SNX29: variants seen among roughly 807,000 people sequenced by gnomAD.
The protein encoded by SNX29 is sorting nexin-29.
In SNX29, 78 loss-of-function variants were observed where a neutral mutation model predicts 102.1. The ratio of observed to expected loss-of-function variants is 0.76; its 90% CI spans 0.64 to 0.92. The LOEUF is 0.92. Ranked by LOEUF, SNX29 falls within the 40% of genes least tolerant of loss-of-function variation. The pLI, the probability that SNX29 is intolerant of heterozygous loss-of-function variation, is 0.00. For synonymous variants in SNX29, 580 were observed against 414.5 expected (o/e 1.40, Z -4.85); for missense variants, 1,280 against 1,061.7 (o/e 1.21, Z -2.86).
At chr16:12,173,339 T>C (rs2076191153) in intron 13 of SNX29, among the ~76,000 whole-genome samples, 1 of 152,248 alleles carries the variant, frequency 6.6e-6, no homozygotes, top group African/African-American at 2.4e-5. Context: ...TCTGTTTTAG[T>C]TGGGTGTGAC....
intron 20 of SNX29, among the ~76,000 whole-genome samples, chr16:12,552,293 G>A (rs534372442): frequency 6.6e-6 from 1 of 152,272 alleles, no homozygotes; most frequent in South Asian, 2.1e-4. Flanking sequence ...CTGTGCCTCA[G>A]TTTCCTCTTC....
At chr16:12,524,976 T>A (rs2076739207) in intron 20 of SNX29, 135 bp downstream of exon 20, 33 of 1,279,050 alleles carry the variant, frequency 2.6e-5, no homozygotes, top group Non-Finnish European at 3.3e-5. Context: ...CTCCAGGGGC[T>A]GTTCCAGGTG....
At chr16:12,412,861 ACT>A (rs1433731449) in intron 18 of SNX29, among the ~76,000 whole-genome samples, 12 of 152,182 alleles carry the variant, frequency 7.9e-5, no homozygotes, top group African/African-American at 2.2e-4. Context: ...ACTAGATCAT[ACT>A]CTCAGTAGCA....
At chr16:12,381,807 C>T (rs1307284427) in intron 16 of SNX29, among the ~76,000 whole-genome samples, 3 of 137,458 alleles carry the variant, frequency 2.2e-5, no homozygotes, top group African/African-American at 5.6e-5. Context: ...TACCATCTGT[C>T]ATCCATCCAC....
intron 15 of SNX29, among the ~76,000 whole-genome samples, chr16:12,293,319 G>A (rs1160631256): frequency 2.0e-5 from 3 of 152,170 alleles, no homozygotes; most frequent in African/African-American, 7.2e-5. Flanking sequence ...GGCTCAGAAA[G>A]GTTGAGTAGA....
chr16:12,552,412 C>T (rs1038111972), intron 20 of SNX29, among the ~76,000 whole-genome samples: 9 of 152,218 alleles, frequency 5.9e-5, no homozygotes, highest in Non-Finnish European at 1.2e-4. Flanking sequence ...GTGGTGAGGA[C>T]GTGGTCAGTT....
intron 15 of SNX29, among the ~76,000 whole-genome samples, chr16:12,303,865 G>T (rs569045522): frequency 1.3e-5 from 2 of 152,270 alleles, no homozygotes; most frequent in African/African-American, 4.8e-5. Flanking sequence ...TGAGAATGAC[G>T]TGCACCTTCT....
Position 12,566,591 on chromosome 16 carries a change from C to T in SNX29, c.2319-1915C>T, listed in dbSNP as rs114250143. Among the ~76,000 whole-genome samples, 737 of 152,298 alleles carry T rather than the reference C, an allele frequency of 4.8e-3. 8 individuals are homozygous for T. The highest frequency in any genetic ancestry group is 0.017 in the African/African-American group (701 of 41,560). On this transcript the variant is annotated intron_variant, in intron 20 of 20. Transcript: ENST00000566228. Reference sequence around the variant, plus strand: ...AACTGACTTTTACATCCAAGCCTTCCTGTATCTAAGAATCAGTTCCCCTAC... The same window carrying T: ...AACTGACTTTTACATCCAAGCCTTCTTGTATCTAAGAATCAGTTCCCCTAC...
At chr16:12,519,079 G>A (rs1214046842) in intron 19 of SNX29, among the ~76,000 whole-genome samples, 1 of 152,166 alleles carries the variant, frequency 6.6e-6, no homozygotes, top group Non-Finnish European at 1.5e-5. Flanking sequence ...CGCTAATCAG[G>A]CACTCCCGGC....
chr16:12,087,534 C>A (rs1596829056), intron 11 of SNX29: 1 of 264,502 alleles, frequency 3.8e-6, no homozygotes, highest in South Asian at 4.2e-5. Context: ...GAGTTCGAGG[C>A]TGCATTGAGC....
chr16:12,542,748 A>AT (rs569735112), intron 20 of SNX29, among the ~76,000 whole-genome samples: 6,844 of 149,448 alleles, frequency 0.046, 267 homozygotes, highest in East Asian at 0.18. Context: ...TAAGCACTAG[A>AT]CTATCACTGC....
At chr16:12,387,930 G>A (rs1448407868) in intron 16 of SNX29, among the ~76,000 whole-genome samples, 1 of 152,184 alleles carries the variant, frequency 6.6e-6, no homozygotes, top group African/African-American at 2.4e-5. Context: ...TTCCAGAGTT[G>A]TTTTGCTTTT....
At chr16:12,091,651 C>T (rs866751283) in intron 11 of SNX29, among the ~76,000 whole-genome samples, 18 of 151,654 alleles carry the variant, frequency 1.2e-4, no homozygotes, top group African/African-American at 3.9e-4. Flanking sequence ...CTTGGTGGTG[C>T]GTGCCTGTTG....
chr16:12,211,530 G>C (rs549649789), intron 14 of SNX29, among the ~76,000 whole-genome samples: 36 of 152,252 alleles, frequency 2.4e-4, no homozygotes, highest in African/African-American at 8.7e-4. Flanking sequence ...TATTAGTCAG[G>C]GTTCTCCACA....
intron 20 of SNX29, chr16:12,560,930 G>T (rs757471844): frequency 3.9e-5 from 8 of 205,722 alleles, no homozygotes; most frequent in Non-Finnish European, 8.0e-5. Context: ...GTACCTCGTG[G>T]TGTTGGGATC....
At chr16:12,458,917 C>G (rs1262344769) in intron 18 of SNX29, among the ~76,000 whole-genome samples, 1 of 152,236 alleles carries the variant, frequency 6.6e-6, no homozygotes, top group East Asian at 1.9e-4. Context: ...CAAAATCTTA[C>G]CTTGAGCTGG....
In SNX29 at chr16:12,046,160, G is replaced by A. The variant is rs2050082162; in HGVS notation, c.429-224G>A. 3.9e-5 allele frequency among the ~76,000 whole-genome samples: 6 copies of A among 152,180 alleles called. No individual in the cohort carries two copies. The South Asian group carries it at 1.2e-3, about 32-fold the overall frequency. On this transcript the variant is annotated intron_variant, in intron 5 of 20. Transcript: ENST00000566228. The stretch of plus-strand genomic sequence containing the variant: ...ATCATGTCTATTTTAGTACTCTAAA[G>A]CTGAGGGTCGGCAGGGGGACCAGTG...
chr16:12,570,298 A>T lies in SNX29; in HGVS notation c.*1669A>T. ...CCCTGCAGTCAGTTTGCGAGTGTGGAGGACCCGAGACATCCTGTAAAGGCA... is the reference window on the plus strand; with the variant it reads ...CCCTGCAGTCAGTTTGCGAGTGTGGTGGACCCGAGACATCCTGTAAAGGCA... On this transcript the variant is annotated 3_prime_UTR_variant, in exon 21 of 21. Transcript: ENST00000566228. The T allele has an allele frequency of 6.7e-6, 7 of 1,048,180 alleles. No homozygotes were observed. Among genetic ancestry groups the T allele is most frequent in the Non-Finnish European group, 8.1e-6 (7 of 863,792 alleles). The allele number at this position is 1,048,180 out of a possible 1,614,324, so 64.9% of individuals were successfully genotyped here.
At chr16:12,462,123 G>T (rs2086832064) in intron 18 of SNX29, among the ~76,000 whole-genome samples, 1 of 150,158 alleles carries the variant, frequency 6.7e-6, no homozygotes, top group Admixed American at 6.7e-5. Context: ...CCTCAGCTGT[G>T]GCTTCGCTCT....
Sources: gnomAD v4.1 joint callset for allele counts (sites outside exome capture counted in the v4.1 genomes callset) on GRCh38, gnomAD v4.1.1 for gene constraint, MANE v1.5 for transcripts, NCBI Gene and HGNC (gene_info 2026-07-23, HGNC 2026-07-21) for gene names.